CLYBL: variants seen among roughly 807,000 people sequenced by gnomAD.
CLYBL encodes citramalyl-CoA lyase, also known as citramalyl-CoA lyase, mitochondrial.
In CLYBL, 31 loss-of-function variants were observed where a neutral mutation model predicts 38.9. The observed-to-expected ratio is 0.80, with a 90% CI of 0.60 to 1.08. CLYBL has a LOEUF of 1.08. CLYBL is among the 50% of genes least tolerant of loss of function. CLYBL has a pLI of 0.00. For missense variants in CLYBL, 434 were observed against 411.6 expected (o/e 1.05, Z -0.47); for synonymous variants, 171 against 158.6 (o/e 1.08, Z -0.59).
chr13:99,620,677 T>C (rs1234993499), intron 1 of CLYBL, among the ~76,000 whole-genome samples: 1 of 152,062 alleles, frequency 6.6e-6, no homozygotes, highest in Non-Finnish European at 1.5e-5. Context: ...CTCAGGAGGC[T>C]GAGGCAGGAG....
chr13:99,681,244 T>A (rs1410892130), intron 1 of CLYBL, among the ~76,000 whole-genome samples: 4 of 152,184 alleles, frequency 2.6e-5, no homozygotes, highest in African/African-American at 9.7e-5. Context: ...TAGATACTAG[T>A]ATCGTACCCA....
chr13:99,731,856 A>C (rs573904847), intron 1 of CLYBL, among the ~76,000 whole-genome samples: 1 of 152,108 alleles, frequency 6.6e-6, no homozygotes, highest in Admixed American at 6.5e-5. Flanking sequence ...GAATGGTTTC[A>C]CTTAGCTTTC....
At chr13:99,895,150 T>G (rs978220487), downstream of CLYBL, 1 of 152,182 alleles carries the variant, frequency 6.6e-6, no homozygotes, top group African/African-American at 2.4e-5. Context: ...ATTCACACTT[T>G]TGCACCCGGT....
At chr13:99,892,992 G>A (rs1000171209), downstream of CLYBL, 2 of 152,330 alleles carry the variant, frequency 1.3e-5, no homozygotes, top group African/African-American at 4.8e-5. Flanking sequence ...AGATGGCTCT[G>A]GGGATCCTCA....
At chr13:99,873,662 G>T (rs1156629972) in intron 7 of CLYBL, among the ~76,000 whole-genome samples, 2 of 142,634 alleles carry the variant, frequency 1.4e-5, no homozygotes, top group Non-Finnish European at 3.2e-5. Context: ...AGGTATAGCT[G>T]AAGTTCACAG....
chr13:99,606,731 AGCTGCGGCGGCGGC>A lies in CLYBL; in HGVS notation c.42_55del (p.Ala15GlufsTer9). ...GTCTGCTGCGGAGGGCGGCGCGCGG[AGCTGCGGCGGCGGC>A]GCTGCTGAGGCTGTGAGTGCAGGTC... On this transcript the variant is annotated frameshift_variant, in exon 1 of 9. Transcript: ENST00000339105. LOFTEE classifies it high-confidence loss of function. 3 of 1,487,756 alleles carry A rather than the reference AGCTGCGGCGGCGGC, an allele frequency of 2.0e-6. No individual in the cohort carries two copies. Among genetic ancestry groups the A allele is most frequent in the Non-Finnish European group, 2.7e-6 (3 of 1,125,198 alleles). The allele number at this position is 1,487,756 out of a possible 1,614,324, so 92.2% of individuals were successfully genotyped here. A position where few individuals can be genotyped will look rare whatever the true frequency, so the allele number is the denominator to read the frequency against.
At chr13:99,623,035 G>A (rs192944278) in intron 1 of CLYBL, among the ~76,000 whole-genome samples, 1 of 152,178 alleles carries the variant, frequency 6.6e-6, no homozygotes, top group East Asian at 1.9e-4. Flanking sequence ...TGGACATTTG[G>A]GCTGTTTCCA....
chr13:99,827,658 C>A (rs1245145980), intron 2 of CLYBL, among the ~76,000 whole-genome samples: 1 of 152,232 alleles, frequency 6.6e-6, no homozygotes, highest in Non-Finnish European at 1.5e-5. Flanking sequence ...GGGAGCCCCA[C>A]ACCAGGGCAG....
At chr13:99,739,768 G>C (rs900028962) in intron 1 of CLYBL, among the ~76,000 whole-genome samples, 15 of 152,140 alleles carry the variant, frequency 9.9e-5, no homozygotes, top group Admixed American at 9.8e-4. Context: ...GAGGTCGGGA[G>C]TTCCAAGACC....
intron 2 of CLYBL, among the ~76,000 whole-genome samples, chr13:99,816,904 T>C (rs746250456): frequency 2.6e-5 from 4 of 152,192 alleles, no homozygotes; most frequent in Non-Finnish European, 5.9e-5. Flanking sequence ...TGGGGCTTCA[T>C]GGAAGTGGTG....
chr13:99,859,250 T>C (rs182423002), intron 3 of CLYBL, among the ~76,000 whole-genome samples: 3 of 152,372 alleles, frequency 2.0e-5, no homozygotes, highest in Non-Finnish European at 4.4e-5. Context: ...ATGAAACAAC[T>C]GCACTTTTGA....
chr13:99,906,526 C>A (rs113872704), intron 9 of CLYBL, among the ~76,000 whole-genome samples: 73,633 of 151,592 alleles, frequency 0.49, 18,908 homozygotes, highest in Non-Finnish European at 0.58. Flanking sequence ...CGGGTTCAAG[C>A]AATTCTCCTG....
intron 1 of CLYBL, among the ~76,000 whole-genome samples, chr13:99,637,158 G>C (rs956085000): frequency 6.6e-6 from 1 of 152,234 alleles, no homozygotes; most frequent in African/African-American, 2.4e-5. Flanking sequence ...ACAGGCATGA[G>C]CCACTGTGTC....
intron 1 of CLYBL, among the ~76,000 whole-genome samples, chr13:99,717,770 A>T (rs1360797819): frequency 5.3e-5 from 8 of 151,918 alleles, no homozygotes; most frequent in Admixed American, 5.3e-4. Context: ...TGCCTTGAGT[A>T]ATCTGTTTCT....
chr13:99,870,810 TA>T (rs34021200), intron 6 of CLYBL, 127 bp from the exon 7 acceptor site: 1 of 899,782 alleles, frequency 1.1e-6, no homozygotes, highest in Non-Finnish European at 1.6e-6. Context: ...GTTTACTCAA[TA>T]AAAAGTTTTA....
At chr13:99,684,833 G>C (rs997274071) in intron 1 of CLYBL, among the ~76,000 whole-genome samples, 2 of 152,134 alleles carry the variant, frequency 1.3e-5, no homozygotes, top group African/African-American at 4.8e-5. Context: ...TGAACCAAAG[G>C]TTACTGTATT....
At chr13:99,842,892 T>G (rs1295836209) in intron 2 of CLYBL, among the ~76,000 whole-genome samples, 2 of 152,096 alleles carry the variant, frequency 1.3e-5, no homozygotes, top group African/African-American at 4.8e-5. Context: ...CCCTCCAGTC[T>G]GGGCAACATA....
At chr13:99,608,846 T>G (rs2046575008) in intron 1 of CLYBL, among the ~76,000 whole-genome samples, 1 of 91,898 alleles carries the variant, frequency 1.1e-5, no homozygotes, top group African/African-American at 4.5e-5. Context: ...AAGTGATGAG[T>G]CTTTTTTTTT....
At chr13:99,798,558 A>G (rs1018351387) in intron 2 of CLYBL, among the ~76,000 whole-genome samples, 3 of 152,226 alleles carry the variant, frequency 2.0e-5, no homozygotes, top group African/African-American at 7.2e-5. Flanking sequence ...AGATCATTTT[A>G]ATTGGAATTT....
Sources: gnomAD v4.1 joint callset for allele counts (sites outside exome capture counted in the v4.1 genomes callset) on GRCh38, gnomAD v4.1.1 for gene constraint, MANE v1.5 for transcripts, NCBI Gene and HGNC (gene_info 2026-07-23, HGNC 2026-07-21) for gene names.